Variants in FOXP1 observed in about 807,000 individuals in gnomAD.
FOXP1 encodes the protein forkhead box P1.
A neutral mutation model predicts 98.2 loss-of-function variants in FOXP1; 15 were observed. That is an observed-to-expected ratio of 0.15 (90% CI 0.10 to 0.24). The LOEUF (loss-of-function observed/expected upper bound fraction) is 0.24. Among genes scored for constraint, FOXP1 ranks in the 10% least tolerant of loss-of-function variants. FOXP1 has a pLI of 1.00. For missense variants in FOXP1, 633 were observed against 848.5 expected, an observed-to-expected ratio of 0.75 and a Z score of 3.15; for synonymous variants, 371 against 314.5, an observed-to-expected ratio of 1.18 and a Z score of -1.90.
intron 7 of FOXP1, among the ~76,000 whole-genome samples, chr3:71,061,163 T>C (rs979544369): frequency 5.9e-5 from 9 of 152,066 alleles, no homozygotes; most frequent in Non-Finnish European, 1.2e-4. Context: ...GAGGGAAGTA[T>C]TGCACGCTCT....
intron 13 of FOXP1, 60 bp downstream of exon 13, chr3:71,000,912 T>C (rs2042051394): frequency 5.5e-6 from 6 of 1,098,358 alleles, no homozygotes; most frequent in East Asian, 2.4e-5. Context: ...TACAGAACAC[T>C]ACAGAAATCT....
intron 14 of FOXP1, 58 bp from the exon 15 acceptor site, chr3:70,978,087 AC>A: frequency 4.9e-6 from 7 of 1,426,112 alleles, no homozygotes; most frequent in Non-Finnish European, 6.9e-6. Flanking sequence ...CAACCCAGGA[AC>A]CACATCTAGC....
At chr3:71,261,987 G>C (rs758454477) in intron 5 of FOXP1, among the ~76,000 whole-genome samples, 3 of 151,978 alleles carry the variant, frequency 2.0e-5, no homozygotes, top group Non-Finnish European at 4.4e-5. Context: ...TCAAATCCCG[G>C]CCGAGTGCGG....
chr3:71,496,744 T>C (rs2091443280), intron 2 of FOXP1, among the ~76,000 whole-genome samples: 1 of 152,002 alleles, frequency 6.6e-6, no homozygotes, highest in Admixed American at 6.6e-5. Flanking sequence ...GAGTCGGAAG[T>C]TGCAGTGAGC....
chr3:71,334,588 T>C (rs761150388), intron 4 of FOXP1: 4 of 152,128 alleles, frequency 2.6e-5, no homozygotes, highest in African/African-American at 4.8e-5. Context: ...CACTAAGATA[T>C]AATCTAATAA....
chr3:71,411,117 A>G (rs989430605), intron 3 of FOXP1, among the ~76,000 whole-genome samples: 34 of 152,346 alleles, frequency 2.2e-4, no homozygotes, highest in African/African-American at 7.7e-4. Flanking sequence ...ATTCCCATAT[A>G]TGAAATATAC....
At chr3:71,267,124 A>AGAGAGAGTGT (rs142661368) in intron 5 of FOXP1, among the ~76,000 whole-genome samples, 119 of 148,410 alleles carry the variant, frequency 8.0e-4, no homozygotes, top group African/African-American at 2.8e-3. Flanking sequence ...TATGGGAGAG[A>AGAGAGAGTGT]GTGTGTGTGT....
At chr3:71,079,122 G>A (rs1376633590) in intron 7 of FOXP1, among the ~76,000 whole-genome samples, 1 of 152,144 alleles carries the variant, frequency 6.6e-6, no homozygotes, top group Non-Finnish European at 1.5e-5. Context: ...ACTCTGTCTT[G>A]CCCCTGCGCC....
intron 7 of FOXP1, among the ~76,000 whole-genome samples, chr3:71,104,739 T>C (rs80060485): frequency 0.058 from 8,891 of 152,096 alleles, 388 homozygotes; most frequent in East Asian, 0.22. Context: ...AGGGAGCAAA[T>C]CCAAAGCAAA....
chr3:71,506,361 T>G (rs911805473), intron 2 of FOXP1, among the ~76,000 whole-genome samples: 6 of 152,194 alleles, frequency 3.9e-5, no homozygotes. Context: ...CATGTAAACC[T>G]TGAAACAGGG....
intron 7 of FOXP1, among the ~76,000 whole-genome samples, chr3:71,055,885 T>C (rs2050564825): frequency 6.6e-6 from 1 of 152,182 alleles, no homozygotes; most frequent in African/African-American, 2.4e-5. Flanking sequence ...CAAATTCTGA[T>C]GGTGATGAAC....
At chr3:71,105,418 A>G (rs1284880253) in intron 7 of FOXP1, among the ~76,000 whole-genome samples, 1 of 152,208 alleles carries the variant, frequency 6.6e-6, no homozygotes, top group Non-Finnish European at 1.5e-5. Flanking sequence ...CTCTAATTAA[A>G]TGCACATGGA....
Position 71,426,775 on chromosome 3 carries a change from A to G in FOXP1, c.-168+66651T>C, listed in dbSNP as rs2084190105. Among the ~76,000 whole-genome samples, 7 of 152,276 alleles carry G rather than the reference A, an allele frequency of 4.6e-5. 1 individual carries two copies. In the South Asian group the frequency reaches 1.5e-3, roughly 32 times the overall value. The stretch of plus-strand genomic sequence containing the variant: ...TTCTTGCACTGTCTCTTAAAACATC[A>G]GATGCAGCCAGGCGCGGTGGCTCAC... On this transcript the variant is annotated intron_variant, in intron 3 of 20. Transcript: ENST00000649528.
chr3:71,581,399 C>T (rs925718510), intron 2 of FOXP1, 150 bp downstream of exon 2: 33 of 985,428 alleles, frequency 3.3e-5, no homozygotes, highest in Admixed American at 6.1e-5. Flanking sequence ...AAGCACCTAC[C>T]GGCCTGAGGA....
chr3:71,489,437 C>T (rs139379315), intron 3 of FOXP1, among the ~76,000 whole-genome samples: 6 of 152,314 alleles, frequency 3.9e-5, no homozygotes, highest in African/African-American at 1.4e-4. Flanking sequence ...CAGAGACAGA[C>T]GAACAAACCA....
chr3:70,969,886 A>G (rs967579333), intron 19 of FOXP1: 4 of 145,914 alleles, frequency 2.7e-5, no homozygotes, highest in African/African-American at 1.0e-4. Flanking sequence ...CAAAAACAGG[A>G]CCACTGGCCA....
intron 16 of FOXP1, 55 bp from the exon 17 acceptor site, chr3:70,977,097 A>T (rs2037726589): frequency 8.6e-7 from 1 of 1,159,960 alleles, no homozygotes; most frequent in South Asian, 1.2e-5. Flanking sequence ...CAGAGTCGTC[A>T]TTCCACAGTT....
At chr3:71,076,923 T>A (rs1048262052) in intron 7 of FOXP1, among the ~76,000 whole-genome samples, 1 of 152,230 alleles carries the variant, frequency 6.6e-6, no homozygotes, top group Non-Finnish European at 1.5e-5. Flanking sequence ...CAGAGATGTT[T>A]GAGTCAGTGG....
At chr3:71,192,806 C>A (rs1178390479) in intron 6 of FOXP1, among the ~76,000 whole-genome samples, 1 of 152,006 alleles carries the variant, frequency 6.6e-6, no homozygotes, top group Admixed American at 6.5e-5. Flanking sequence ...TGTGCCATCA[C>A]CCCTAGATAA....
Sources: allele counts gnomAD v4.1 joint callset (sites outside exome capture counted in the v4.1 genomes callset), GRCh38; gene constraint gnomAD v4.1.1; transcripts MANE v1.5; gene names NCBI Gene and HGNC (gene_info 2026-07-23, HGNC 2026-07-21).